Variants in ACTR3C observed in about 807,000 individuals in gnomAD.
ACTR3C encodes actin related protein 3C.
Under a neutral mutation model 26.3 loss-of-function variants are expected in ACTR3C, and 18 were observed. The observed-to-expected ratio is 0.68, with a 90% CI of 0.47 to 1.01. The LOEUF is 1.01. Ranked by LOEUF, ACTR3C falls within the 50% of genes least tolerant of loss-of-function variation. The pLI, the probability that ACTR3C is intolerant of heterozygous loss-of-function variation, is 0.00. For synonymous variants in ACTR3C, 55 were observed against 94.5 expected (o/e 0.58, Z 2.42); for missense variants, 184 against 250.7 (o/e 0.73, Z 1.80).
At chr7:150,016,685 C>A in the ACTR3C span, among the ~76,000 whole-genome samples, 1 of 152,048 alleles carries the variant, frequency 6.6e-6, no homozygotes, top group Non-Finnish European at 1.5e-5. Context: ...GAGGTATGAC[C>A]TTGGGTGGCA....
chr7:149,995,568 C>T, the ACTR3C span, among the ~76,000 whole-genome samples: 10 of 152,268 alleles, frequency 6.6e-5, no homozygotes, highest in African/African-American at 2.4e-4. Flanking sequence ...TTTAATACTG[C>T]GTTGTTTGTT....
chr7:150,059,799 A>G, the ACTR3C span, among the ~76,000 whole-genome samples: 4 of 152,216 alleles, frequency 2.6e-5, no homozygotes, highest in African/African-American at 9.6e-5. Context: ...CAAGGCTGCT[A>G]TGAGTTGAAG....
chr7:150,270,861 C>CA (rs1168738560), intron 6 of ACTR3C, among the ~76,000 whole-genome samples: 6 of 152,112 alleles, frequency 3.9e-5, no homozygotes, highest in African/African-American at 1.5e-4. Flanking sequence ...GGTCGCAAGT[C>CA]AAACAATGCT....
chr7:150,214,121 A>T, the ACTR3C span, among the ~76,000 whole-genome samples: 1 of 152,138 alleles, frequency 6.6e-6, no homozygotes, highest in Admixed American at 6.5e-5. Context: ...CATCAGAGAA[A>T]CAAAACAGAA....
the ACTR3C span, among the ~76,000 whole-genome samples, chr7:150,120,267 A>T: frequency 1.3e-5 from 2 of 152,172 alleles, no homozygotes; most frequent in Middle Eastern, 3.2e-3. Context: ...ACACACAAAA[A>T]ACCCTTCAAA....
the ACTR3C span, chr7:149,909,836 A>AT: frequency 2.0e-6 from 1 of 504,424 alleles, no homozygotes; most frequent in East Asian, 3.1e-5. Flanking sequence ...AATTAAAAAA[A>AT]AAAAACAAAC....
chr7:150,211,561 G>T, the ACTR3C span, among the ~76,000 whole-genome samples: 4 of 150,176 alleles, frequency 2.7e-5, no homozygotes, highest in Non-Finnish European at 5.9e-5. Context: ...GATTACATGT[G>T]TGAACCACCA....
the ACTR3C span, among the ~76,000 whole-genome samples, chr7:150,087,182 TAAAA>T: frequency 0.01 from 1,332 of 129,362 alleles, 3 homozygotes; most frequent in African/African-American, 0.017. Flanking sequence ...TGAATTTGTT[TAAAA>T]AAAAAAAAAA....
chr7:150,295,773 C>A (rs1836698390), intron 1 of ACTR3C, among the ~76,000 whole-genome samples: 1 of 147,802 alleles, frequency 6.8e-6, no homozygotes, highest in Non-Finnish European at 1.5e-5. Flanking sequence ...CAAGCCCTTG[C>A]TCAGGACAGG....
chr7:150,165,298 C>A, the ACTR3C span, among the ~76,000 whole-genome samples: 1 of 151,848 alleles, frequency 6.6e-6, no homozygotes, highest in Non-Finnish European at 1.5e-5. Context: ...GACTTCCTAG[C>A]AGAATTATTT....
the ACTR3C span, among the ~76,000 whole-genome samples, chr7:150,123,129 A>G: frequency 6.6e-6 from 1 of 151,868 alleles, no homozygotes; most frequent in South Asian, 2.1e-4. Context: ...GAAATACCTA[A>G]TGTAGATGAC....
chr7:150,103,062 GGT>G, the ACTR3C span, among the ~76,000 whole-genome samples: 12 of 142,226 alleles, frequency 8.4e-5, no homozygotes, highest in African/African-American at 3.4e-4. Flanking sequence ...ATACAAAACA[GGT>G]GTGTGTGTAT....
the ACTR3C span, among the ~76,000 whole-genome samples, chr7:150,022,915 G>T: frequency 6.6e-6 from 1 of 151,502 alleles, no homozygotes; most frequent in Non-Finnish European, 1.5e-5. Context: ...CTTCATGATT[G>T]TCTTGTTAGT....
chr7:150,140,961 A>T, the ACTR3C span, among the ~76,000 whole-genome samples: 2 of 152,268 alleles, frequency 1.3e-5, no homozygotes, highest in Non-Finnish European at 2.9e-5. Flanking sequence ...TATTGCTGAC[A>T]TGAAGAAACT....
At chr7:150,204,296 G>A in the ACTR3C span, among the ~76,000 whole-genome samples, 23 of 144,474 alleles carry the variant, frequency 1.6e-4, no homozygotes, top group South Asian at 4.4e-4. Flanking sequence ...AAGCTGTGTC[G>A]GTTCTGGTGA....
the ACTR3C span, among the ~76,000 whole-genome samples, chr7:149,997,275 C>T: frequency 3.3e-5 from 5 of 152,168 alleles, no homozygotes; most frequent in East Asian, 7.7e-4. Context: ...CAAATGTGAA[C>T]TTTGCAACGT....
downstream of ACTR3C, among the ~76,000 whole-genome samples, chr7:150,239,613 T>TACA (rs1832072126): frequency 6.9e-6 from 1 of 145,468 alleles, no homozygotes; most frequent in Admixed American, 6.8e-5. Context: ...AATGAGTTAT[T>TACA]ACAGTTTGAA....
chr7:150,266,134 T>A (rs947854938), intron 6 of ACTR3C, among the ~76,000 whole-genome samples: 1 of 148,644 alleles, frequency 6.7e-6, no homozygotes, highest in East Asian at 2.0e-4. Context: ...ATAGGTTTTT[T>A]AACTAAAAAA....
the ACTR3C span, among the ~76,000 whole-genome samples, chr7:149,884,763 A>G: frequency 6.6e-6 from 1 of 152,214 alleles, no homozygotes; most frequent in South Asian, 2.1e-4. Flanking sequence ...GAGTTTGGGA[A>G]TCATGCGCCG....
Sources: allele counts gnomAD v4.1 joint callset (sites outside exome capture counted in the v4.1 genomes callset), GRCh38; gene constraint gnomAD v4.1.1; transcripts MANE v1.5; gene names NCBI Gene and HGNC (gene_info 2026-07-23, HGNC 2026-07-21).